SRSF11: variants seen among roughly 807,000 people sequenced by gnomAD.
SRSF11 encodes serine and arginine rich splicing factor 11, also known as serine/arginine-rich splicing factor 11.
SRSF11 carries 9 observed loss-of-function variants against 56.0 expected under a neutral mutation model. The observed-to-expected ratio is 0.16, with a 90% CI of 0.10 to 0.28. The LOEUF is 0.28. SRSF11 is among the 10% of genes least tolerant of loss of function. SRSF11 has a pLI of 1.00. For synonymous variants in SRSF11, 222 were observed against 215.3 expected, an observed-to-expected ratio of 1.03 and a Z score of -0.27; for missense variants, 421 against 600.7, an observed-to-expected ratio of 0.70 and a Z score of 3.13.
chr1:70,209,737 C>CTTT (rs1558139140), intron 1 of SRSF11, among the ~76,000 whole-genome samples: 2 of 60,812 alleles, frequency 3.3e-5, no homozygotes, highest in African/African-American at 6.9e-5. Context: ...AAGCACCTCG[C>CTTT]TTCTTTTTTT....
chr1:70,229,162 T>C (rs2100711519), intron 2 of SRSF11: 3 of 1,280,798 alleles, frequency 2.3e-6, no homozygotes, highest in Non-Finnish European at 3.0e-6. Flanking sequence ...AGAATATCTC[T>C]AAATAATAAA....
rs768391647 is a variant in SRSF11 at position 70,228,574 on chromosome 1, T to G, written c.337+19T>G. Reference sequence around the variant, plus strand: ...GCAGAAGGTTTGTGCTTTGTTTAACTACCTATGTGGGCATCCTAAGATGAC... The same window carrying G: ...GCAGAAGGTTTGTGCTTTGTTTAACGACCTATGTGGGCATCCTAAGATGAC... On this transcript the variant is annotated intron_variant, in intron 2 of 11. Transcript: ENST00000370949. 3 of 1,608,262 alleles carry G rather than the reference T, an allele frequency of 1.9e-6. No homozygotes were observed. The highest frequency in any genetic ancestry group is 1.7e-6 in the Non-Finnish European group (2 of 1,177,042).
At chr1:70,220,700 CTT>C (rs1326473195), upstream of SRSF11, 1 of 151,918 alleles carries the variant, frequency 6.6e-6, no homozygotes, top group African/African-American at 2.4e-5. Flanking sequence ...AAATACAAAA[CTT>C]AGCCTGGCGT....
Position 70,250,395 on chromosome 1 carries a change from CAAAG to C in SRSF11, c.1156_1159del (p.Arg386ValfsTer32), listed in dbSNP as rs1558237268. The stretch of plus-strand genomic sequence containing the variant: ...AAAAGGAGAAGAAGAAAGATAAAGA[CAAAG>C]AAAGAAGTAGGGATGAAAGAGAACG... On this transcript the variant is annotated frameshift_variant, in exon 11 of 12. Transcript: ENST00000370949. LOFTEE classifies it high-confidence loss of function. The C allele has an allele frequency of 1.2e-6, 2 of 1,602,890 alleles. No homozygotes were observed. The highest frequency in any genetic ancestry group is 1.3e-5 in the African/African-American group (1 of 74,140).
chr1:70,250,241 T>C, intron 10 of SRSF11, 124 bp from the exon 11 acceptor site: 2 of 1,465,748 alleles, frequency 1.4e-6, no homozygotes, highest in South Asian at 1.4e-5. Flanking sequence ...TTTTGTAGCC[T>C]GTGTTACTTC....
At chr1:70,208,596 C>T (rs1043646531) in intron 1 of SRSF11, among the ~76,000 whole-genome samples, 2 of 152,002 alleles carry the variant, frequency 1.3e-5, no homozygotes, top group Admixed American at 1.3e-4. Flanking sequence ...CCTCGGCCCC[C>T]GAAATTGCGG....
At chr1:70,214,171 AT>A (rs1382173927) in intron 1 of SRSF11, among the ~76,000 whole-genome samples, 2 of 152,184 alleles carry the variant, frequency 1.3e-5, no homozygotes, top group Non-Finnish European at 2.9e-5. Flanking sequence ...TCTACTGGAT[AT>A]TTTCTTGCAT....
At chr1:70,237,699 T>A in intron 6 of SRSF11, 147 bp downstream of exon 6, 1 of 1,149,618 alleles carries the variant, frequency 8.7e-7, no homozygotes, top group Non-Finnish European at 1.2e-6. Flanking sequence ...CACTCAGACG[T>A]ATTTGGAGAC....
chr1:70,222,041 G>C (rs1037749835), intron 1 of SRSF11, among the ~76,000 whole-genome samples: 2 of 152,158 alleles, frequency 1.3e-5, no homozygotes, highest in African/African-American at 4.8e-5. Context: ...TTGGAATTAG[G>C]AAACACTGGC....
chr1:70,250,273 C>A, intron 10 of SRSF11, 92 bp from the exon 11 acceptor site: 1 of 1,543,654 alleles, frequency 6.5e-7, no homozygotes, highest in Non-Finnish European at 8.7e-7. Flanking sequence ...GAAGTTGGAT[C>A]TTTGCTGTAC....
Position 70,244,672 on chromosome 1 carries a change from T to A in SRSF11, c.801-12T>A, listed in dbSNP as rs1290462237. On this transcript the variant is annotated splice_polypyrimidine_tract_variant and intron_variant, in intron 7 of 11. Coordinates refer to ENST00000370949, the MANE Select transcript of SRSF11 (RefSeq NM_001350605.2). ...TTTATACACATGTATTGGCTTCCTT[T>A]TACACTATTAGGCGGTCAAGAAGCA... 1 of 1,611,398 alleles carries A rather than the reference T, an allele frequency of 6.2e-7. No individual in the cohort carries two copies. The highest frequency in any genetic ancestry group is 1.7e-5 in the Admixed American group (1 of 59,814).
intron 2 of SRSF11, 59 bp from the exon 3 acceptor site, chr1:70,232,209 T>C: frequency 2.5e-6 from 4 of 1,613,408 alleles, no homozygotes; most frequent in Non-Finnish European, 3.4e-6. Flanking sequence ...TCTGGGTGTT[T>C]TTGTGTGTTT....
intron 9 of SRSF11, chr1:70,247,221 T>C: frequency 4.3e-5 from 22 of 515,096 alleles, no homozygotes; most frequent in South Asian, 1.7e-4. Flanking sequence ...AGTAAGCTTA[T>C]TATAGTAAGC....
At chr1:70,237,646 T>C in intron 6 of SRSF11, 94 bp downstream of exon 6, 1 of 1,498,170 alleles carries the variant, frequency 6.7e-7, no homozygotes, top group African/African-American at 1.4e-5. Context: ...CCTAGTCGTT[T>C]AAAATGTTGT....
chr1:70,232,468 G>T, intron 3 of SRSF11, 91 bp downstream of exon 3: 1 of 948,798 alleles, frequency 1.1e-6, no homozygotes, highest in Non-Finnish European at 1.6e-6. Context: ...GTACTCATAA[G>T]ATTCTAGTTC....
chr1:70,241,203 C>A (rs891468391), intron 7 of SRSF11, among the ~76,000 whole-genome samples: 1 of 152,132 alleles, frequency 6.6e-6, no homozygotes, highest in Non-Finnish European at 1.5e-5. Context: ...AACCATTTCT[C>A]CTATTTATTG....
chr1:70,248,834 T>G (rs1305406347), intron 9 of SRSF11: 2 of 152,216 alleles, frequency 1.3e-5, no homozygotes, highest in Non-Finnish European at 2.9e-5. Context: ...ATAAAATACT[T>G]CTTCCGTCTA....
At chr1:70,246,177 TTATC>T (rs897427563) in intron 8 of SRSF11, among the ~76,000 whole-genome samples, 37 of 152,254 alleles carry the variant, frequency 2.4e-4, no homozygotes, top group African/African-American at 8.9e-4. Context: ...TATATATCGT[TTATC>T]TACTCTTTGC....
intron 8 of SRSF11, 175 bp from the exon 9 acceptor site, chr1:70,246,643 A>T: frequency 2.2e-6 from 1 of 455,640 alleles, no homozygotes; most frequent in East Asian, 3.6e-5. Flanking sequence ...AAAAGAAGTT[A>T]TTGTACTTCA....
Sources: allele counts gnomAD v4.1 joint callset (sites outside exome capture counted in the v4.1 genomes callset), GRCh38; gene constraint gnomAD v4.1.1; transcripts MANE v1.5; gene names NCBI Gene and HGNC (gene_info 2026-07-23, HGNC 2026-07-21).